The following PHLDB2 variants were observed in gnomAD, a reference collection of about 807,000 sequenced individuals.
PHLDB2 encodes pleckstrin homology-like domain family B member 2.
PHLDB2 carries 71 observed loss-of-function variants against 123.6 expected under a neutral mutation model. The observed-to-expected ratio is 0.57, with a 90% CI of 0.47 to 0.70. The LOEUF is 0.70. Ranked by LOEUF, PHLDB2 falls within the 30% of genes least tolerant of loss-of-function variation. PHLDB2 has a pLI of 0.00. For synonymous variants in PHLDB2, 547 were observed against 541.6 expected, an observed-to-expected ratio of 1.01 and a Z score of -0.14; for missense variants, 1,446 against 1,519.5, an observed-to-expected ratio of 0.95 and a Z score of 0.80.
chr3:111,744,128 A>G (rs982119177), intron 1 of PHLDB2, among the ~76,000 whole-genome samples: 1 of 152,222 alleles, frequency 6.6e-6, no homozygotes, highest in Non-Finnish European at 1.5e-5. Context: ...CCCAGTAAAA[A>G]GTTGGGCAGA....
chr3:111,829,652 C>T (rs931557036), intron 1 of PHLDB2, among the ~76,000 whole-genome samples: 15 of 151,638 alleles, frequency 9.9e-5, no homozygotes, highest in Non-Finnish European at 1.8e-4. Flanking sequence ...TTAGTAGAGA[C>T]GGGGTTTCAC....
At position 111,919,153 on chromosome 3, in the gene PHLDB2, C is replaced by G; in HGVS notation, c.1801C>G (p.Leu601Val). ...EETRIVILNNLEELKQKIKDI... is the reference protein window; with the variant it reads ...EETRIVILNNVEELKQKIKDI... ...AACCCGGATAGTCATTCTGAACAAC[C>G]TCGAGGAACTTAAGCAAAAAATCAA... is the stretch of plus-strand genomic sequence containing the variant. The change falls in exon 4 of 18, where the codon CTC becomes GTC. Residue 601 changes from leucine (L) to valine (V), a missense_variant. Physicochemically the swap from Leu to Val is conservative, Grantham distance 32. This residue lies in a region of PHLDB2 where 832 missense variants were observed against 831.9 expected (regional missense o/e 1.00). Transcript: ENST00000431670. 1 of 1,614,052 alleles carries G rather than the reference C, an allele frequency of 6.2e-7. No homozygotes were observed. Among genetic ancestry groups the G allele is most frequent in the Non-Finnish European group, 8.5e-7 (1 of 1,179,896 alleles).
At chr3:111,952,432 A>C in intron 10 of PHLDB2, 140 bp from the exon 11 acceptor site, 1 of 834,098 alleles carries the variant, frequency 1.2e-6, no homozygotes, top group Non-Finnish European at 1.8e-6. Context: ...CTATCAGTGA[A>C]CACAATATAT....
At chr3:111,882,151 T>A (rs527738626) in intron 1 of PHLDB2, among the ~76,000 whole-genome samples, 2 of 152,312 alleles carry the variant, frequency 1.3e-5, no homozygotes, top group East Asian at 3.9e-4. Flanking sequence ...GCTTATTTAA[T>A]TTTTTCCCTA....
intron 2 of PHLDB2, among the ~76,000 whole-genome samples, chr3:111,908,937 C>T (rs1458491177): frequency 6.6e-6 from 1 of 152,134 alleles, no homozygotes; most frequent in Admixed American, 6.5e-5. Context: ...TTGTGGTTTC[C>T]AAAACTTACT....
intron 15 of PHLDB2, among the ~76,000 whole-genome samples, chr3:111,969,055 T>C (rs2071997262): frequency 6.6e-6 from 1 of 152,220 alleles, no homozygotes; most frequent in Non-Finnish European, 1.5e-5. Context: ...ATAAAAGACA[T>C]CTAAATACAT....
rs142576189 is a variant in PHLDB2, at chr3:111,913,400, G to A, written c.1417G>A (p.Val473Met). The A allele has an allele frequency of 3.8e-5, 61 of 1,614,128 alleles. No individual in the cohort carries two copies. In the Admixed American group the frequency reaches 7.0e-4, roughly 19 times the overall value. ...CAGTCGCTTATCTACTGGGACCACCGTGGAAGATGTGCAGAAAATCAACAA... is the reference window on the plus strand; with the variant it reads ...CAGTCGCTTATCTACTGGGACCACCATGGAAGATGTGCAGAAAATCAACAA... ...PDSRLSTGTT[V>M]EDVQKINKEL... The change falls in exon 3 of 18, where the codon GTG becomes ATG. Residue 473 changes from valine (V) to methionine (M), a missense_variant. Transcript: ENST00000431670.
rs768016986 is a variant in PHLDB2 at position 111,920,451 on chromosome 3, T to TA, written c.2001+33dup. 2.2e-5 allele frequency: 35 copies of TA among 1,604,990 alleles called. No homozygotes were observed. In the South Asian group the frequency reaches 3.9e-4, roughly 18 times the overall value. ...GAAAATTATATTTCAATGCAGTTTT[T>TA]ATGGGCAAAGTGGTGGTCCCAGTTG... On this transcript the variant is annotated intron_variant, in intron 5 of 17. Transcript: ENST00000431670.
intron 10 of PHLDB2, chr3:111,949,977 A>G (rs2070599905): frequency 3.3e-6 from 3 of 916,204 alleles, no homozygotes; most frequent in East Asian, 1.2e-4. Context: ...ACTTTCCCAA[A>G]GGCATTTTTA....
chr3:111,911,699 C>T (rs1276275769), intron 2 of PHLDB2: 2 of 1,536,170 alleles, frequency 1.3e-6, no homozygotes, highest in Non-Finnish European at 1.7e-6. Flanking sequence ...CAGCTGGAGT[C>T]CAGAAGTTCA....
chr3:111,948,254 T>C (rs1294233938), intron 9 of PHLDB2, among the ~76,000 whole-genome samples: 1 of 152,088 alleles, frequency 6.6e-6, no homozygotes, highest in Non-Finnish European at 1.5e-5. Context: ...TCCGTGTGTG[T>C]GTGTGTGTGT....
In PHLDB2 at chr3:111,952,693, G is replaced by A. The variant is rs762768316; in HGVS notation, c.2753G>A (p.Gly918Glu). The part of the protein sequence containing the change: ...ISPHFSSATM[G>E]RSITPKAHLP... ...CCACATTTCAGCAGTGCTACTATGG[G>A]GAGAAGCATCACCCCAAAGGTAGGA... Residue 918 changes from glycine to glutamate, a missense_variant, in exon 11 of 18, where the codon GGG becomes GAG. Transcript: ENST00000431670. 1.9e-6 allele frequency: 3 copies of A among 1,613,130 alleles called. No homozygotes were observed. The highest frequency in any genetic ancestry group is 1.7e-6 in the Non-Finnish European group (2 of 1,179,700).
intron 2 of PHLDB2, among the ~76,000 whole-genome samples, chr3:111,852,765 C>G (rs999230774): frequency 2.0e-5 from 3 of 151,550 alleles, no homozygotes; most frequent in Admixed American, 6.6e-5. Context: ...CACACACACA[C>G]ACACACACAC....
At chr3:111,832,546 A>G (rs1051341196) in intron 1 of PHLDB2, among the ~76,000 whole-genome samples, 1 of 148,356 alleles carries the variant, frequency 6.7e-6, no homozygotes, top group Admixed American at 6.9e-5. Flanking sequence ...GCTGTTAACA[A>G]AAATCATATG....
intron 1 of PHLDB2, among the ~76,000 whole-genome samples, chr3:111,766,858 C>A (rs1422757447): frequency 6.6e-6 from 1 of 151,952 alleles, no homozygotes; most frequent in East Asian, 1.9e-4. Flanking sequence ...CATAGTGAAA[C>A]CCCATCTTTA....
chr3:111,963,886 T>C (rs1311939921), intron 13 of PHLDB2, among the ~76,000 whole-genome samples: 2 of 152,212 alleles, frequency 1.3e-5, no homozygotes, highest in Non-Finnish European at 2.9e-5. Context: ...ATTCCAAACA[T>C]TGGTTCCTCA....
chr3:111,851,761 C>A (rs1016963935), intron 2 of PHLDB2, among the ~76,000 whole-genome samples: 1 of 152,090 alleles, frequency 6.6e-6, no homozygotes, highest in Non-Finnish European at 1.5e-5. Context: ...AAATGGTATT[C>A]GATGCGAAGC....
intron 2 of PHLDB2, among the ~76,000 whole-genome samples, chr3:111,886,663 G>A (rs2066182175): frequency 6.6e-6 from 1 of 152,210 alleles, no homozygotes; most frequent in South Asian, 2.1e-4. Flanking sequence ...GTTGATGTCT[G>A]TTCTTACAGA....
In PHLDB2 at chr3:111,898,492, T is replaced by C. The variant is rs145070163; in HGVS notation, c.1335+13080T>C. On this transcript the variant is annotated intron_variant, in intron 2 of 17. Coordinates refer to ENST00000431670, the MANE Select transcript of PHLDB2 (RefSeq NM_001134438.2). ...GCCACCGCACCCAGCCAGCAATTTT[T>C]TAAAATAAGATAACAATGAAGTTTG... Among the ~76,000 whole-genome samples, 10 of 152,250 alleles carry C rather than the reference T, an allele frequency of 6.6e-5. No individual in the cohort carries two copies. In the East Asian group the frequency reaches 1.9e-3, roughly 29 times the overall value.
Sources: allele counts gnomAD v4.1 joint callset (sites outside exome capture counted in the v4.1 genomes callset), GRCh38; gene constraint gnomAD v4.1.1; regional missense constraint gnomAD v4.1.1; transcripts MANE v1.5; gene names NCBI Gene and HGNC (gene_info 2026-07-23, HGNC 2026-07-21).